Variants in ROBO1 observed in about 807,000 individuals in gnomAD.
ROBO1 encodes the protein roundabout homolog 1.
Under a neutral mutation model 195.9 loss-of-function variants are expected in ROBO1, and 149 were observed. That is an observed-to-expected ratio of 0.76 (90% CI 0.67 to 0.87). The LOEUF (loss-of-function observed/expected upper bound fraction) is 0.87. ROBO1 is among the 40% of genes least tolerant of loss of function. The pLI is 0.00. For synonymous variants in ROBO1, 816 were observed against 733.2 expected, an observed-to-expected ratio of 1.11 and a Z score of -1.82; for missense variants, 1,933 against 2,068.3, an observed-to-expected ratio of 0.93 and a Z score of 1.27.
chr3:78,598,879 T>C lies in ROBO1; in HGVS notation c.*34A>G. ...ACAGGAGGCATCTTGAGTGATGATT[T>C]TCACATTAGATCTCATAAGCCTCTT... On this transcript the variant is annotated 3_prime_UTR_variant, in exon 31 of 31. Transcript: ENST00000464233. The C allele has an allele frequency of 1.3e-6, 2 of 1,493,430 alleles. No individual in the cohort carries two copies. The highest frequency in any genetic ancestry group is 1.8e-6 in the Non-Finnish European group (2 of 1,096,222). The allele number at this position is 1,493,430 out of a possible 1,614,324, so 92.5% of individuals were successfully genotyped here. A position where few individuals can be genotyped will look rare whatever the true frequency, so the allele number is the denominator to read the frequency against.
chr3:79,547,150 A>T (rs1024793425), intron 2 of ROBO1, among the ~76,000 whole-genome samples: 5 of 126,652 alleles, frequency 3.9e-5, no homozygotes, highest in Non-Finnish European at 6.2e-5. Context: ...GTGCCACTGC[A>T]CTCCAGCCTG....
At chr3:79,219,950 G>A (rs937395847) in intron 2 of ROBO1, among the ~76,000 whole-genome samples, 5 of 152,038 alleles carry the variant, frequency 3.3e-5, no homozygotes, top group Non-Finnish European at 7.4e-5. Flanking sequence ...AAACTGTAAA[G>A]GTATACAGTA....
At chr3:79,245,014 C>T (rs184292311) in intron 2 of ROBO1, among the ~76,000 whole-genome samples, 29 of 152,112 alleles carry the variant, frequency 1.9e-4, no homozygotes, top group African/African-American at 4.1e-4. Context: ...AGATTGACTA[C>T]CACACATGAT....
chr3:79,766,650 G>T (rs1705013442), intron 1 of ROBO1, among the ~76,000 whole-genome samples: 1 of 152,036 alleles, frequency 6.6e-6, no homozygotes, highest in Admixed American at 6.6e-5. Flanking sequence ...CCGCCCGCAG[G>T]GCTCGCCTGC....
chr3:78,779,156 G>A (rs2108470739), intron 4 of ROBO1, among the ~76,000 whole-genome samples: 1 of 152,188 alleles, frequency 6.6e-6, no homozygotes, highest in African/African-American at 2.4e-5. Flanking sequence ...AAAAACCCTA[G>A]AAGAAAATGC....
At chr3:79,719,183 A>C (rs1292873045) in intron 1 of ROBO1, among the ~76,000 whole-genome samples, 1 of 152,072 alleles carries the variant, frequency 6.6e-6, no homozygotes, top group African/African-American at 2.4e-5. Flanking sequence ...GCAAAGAAAA[A>C]AAAAAGATAG....
At chr3:79,189,155 T>C (rs532248339) in intron 2 of ROBO1, among the ~76,000 whole-genome samples, 32 of 151,946 alleles carry the variant, frequency 2.1e-4, no homozygotes, top group African/African-American at 7.7e-4. Context: ...AAATATTTAC[T>C]GATTAGATAT....
intron 4 of ROBO1, among the ~76,000 whole-genome samples, chr3:78,752,160 C>T (rs1426365923): frequency 1.5e-5 from 2 of 137,108 alleles, no homozygotes; most frequent in Non-Finnish European, 1.6e-5. Flanking sequence ...AATTATTACT[C>T]ACATACATAG....
At chr3:78,646,404 A>G (rs1479707147) in intron 20 of ROBO1, among the ~76,000 whole-genome samples, 1 of 150,320 alleles carries the variant, frequency 6.7e-6, no homozygotes, top group Non-Finnish European at 1.5e-5. Context: ...ATCTAATTAT[A>G]TATATAATTA....
intron 4 of ROBO1, among the ~76,000 whole-genome samples, chr3:78,933,563 T>C (rs1429380921): frequency 6.6e-6 from 1 of 152,046 alleles, no homozygotes; most frequent in African/African-American, 2.4e-5. Context: ...ACTGACATCA[T>C]TGAGATGTCA....
At chr3:78,610,700 T>C (rs553303201) in intron 28 of ROBO1, among the ~76,000 whole-genome samples, 119 of 152,256 alleles carry the variant, frequency 7.8e-4, no homozygotes, top group African/African-American at 2.8e-3. Context: ...ATGTTCTAGA[T>C]AGGTGTTATT....
Position 78,717,861 on chromosome 3 carries a change from A to T in ROBO1, c.680T>A (p.Ile227Asn). 6.2e-7 allele frequency: 1 copy of T among 1,613,628 alleles called. No individual in the cohort carries two copies. Among genetic ancestry groups the T allele is most frequent in the South Asian group, 1.1e-5 (1 of 91,054 alleles). Residue 227 changes from isoleucine to asparagine, a missense_variant, in exon 6 of 31, where the codon ATC becomes AAC. This residue lies in a region of ROBO1 where 1,737 missense variants were observed against 1,882.5 expected (regional missense o/e 0.92). Transcript: ENST00000464233. ...AGCGTCACTTTTACGGGTGTAAGTG[A>T]TCATGAGCTTTCCTCCTCGTATCTT... ...RITIRGGKLMITYTRKSDAGK... is the reference protein window; with the variant it reads ...RITIRGGKLMNTYTRKSDAGK...
chr3:78,927,633 A>G (rs1274416655), intron 4 of ROBO1, among the ~76,000 whole-genome samples: 5 of 152,216 alleles, frequency 3.3e-5, no homozygotes, highest in African/African-American at 1.2e-4. Flanking sequence ...TCATTGGTAT[A>G]TATTTTGAGA....
chr3:79,117,611 T>G (rs1296986336), intron 3 of ROBO1, among the ~76,000 whole-genome samples: 2 of 152,166 alleles, frequency 1.3e-5, no homozygotes, highest in Non-Finnish European at 2.9e-5. Context: ...AAATCTTACT[T>G]TTGCTTGTTA....
At chr3:78,879,643 GAA>G (rs57640366) in intron 4 of ROBO1, among the ~76,000 whole-genome samples, 2 of 144,310 alleles carry the variant, frequency 1.4e-5, no homozygotes, top group Non-Finnish European at 1.5e-5. Flanking sequence ...CCATTTCAGG[GAA>G]AAAAAAAAAG....
chr3:79,433,191 T>C (rs1278476700), intron 2 of ROBO1, among the ~76,000 whole-genome samples: 1 of 152,030 alleles, frequency 6.6e-6, no homozygotes, highest in Non-Finnish European at 1.5e-5. Context: ...CCTCACCCTC[T>C]GACAGGCCTC....
At chr3:79,054,630 G>A (rs2078768118) in intron 3 of ROBO1, among the ~76,000 whole-genome samples, 1 of 152,046 alleles carries the variant, frequency 6.6e-6, no homozygotes, top group African/African-American at 2.4e-5. Context: ...AGGTCAACTT[G>A]GTCATACTCG....
At chr3:78,738,027 G>A (rs193098242) in intron 5 of ROBO1, among the ~76,000 whole-genome samples, 3 of 152,210 alleles carry the variant, frequency 2.0e-5, no homozygotes. Flanking sequence ...GGAGAGGAGG[G>A]GAAGAGGAAG....
At chr3:79,010,051 T>C (rs2077737013) in intron 3 of ROBO1, among the ~76,000 whole-genome samples, 1 of 152,140 alleles carries the variant, frequency 6.6e-6, no homozygotes, top group South Asian at 2.1e-4. Context: ...ACACTCTTTT[T>C]TGTGGGTTAT....
Sources: gnomAD v4.1 joint callset for allele counts (sites outside exome capture counted in the v4.1 genomes callset) on GRCh38, gnomAD v4.1.1 for gene constraint, gnomAD v4.1.1 regional missense constraint, MANE v1.5 for transcripts, NCBI Gene and HGNC (gene_info 2026-07-23, HGNC 2026-07-21) for gene names.